Variants in CCAR2 observed in about 807,000 individuals in gnomAD.
CCAR2 encodes the protein cell cycle and apoptosis regulator protein 2.
CCAR2 carries 21 observed loss-of-function variants against 108.1 expected under a neutral mutation model. The observed-to-expected ratio is 0.19, with a 90% CI of 0.14 to 0.28. The LOEUF (loss-of-function observed/expected upper bound fraction) is 0.28, where lower values mean the gene tolerates loss of function less well. CCAR2 is among the 10% of genes least tolerant of loss of function. The probability of loss-of-function intolerance (pLI) is 1.00; values close to 1 mark genes in which losing one functional copy is unlikely to be tolerated. For missense variants in CCAR2, 1,126 were observed against 1,177.0 expected, an observed-to-expected ratio of 0.96 and a Z score of 0.63; for synonymous variants, 577 against 472.8, an observed-to-expected ratio of 1.22 and a Z score of -2.86.
At chr8:22,613,442 C>G (rs370420945) in intron 8 of CCAR2, among the ~76,000 whole-genome samples, 24 of 149,032 alleles carry the variant, frequency 1.6e-4, no homozygotes, top group African/African-American at 5.9e-4. Flanking sequence ...CATTTGCACT[C>G]TATCCTAAAT....
At chr8:22,618,186 G>T (rs1172465910) in intron 16 of CCAR2, 163 bp from the exon 17 acceptor site, 1 of 879,742 alleles carries the variant, frequency 1.1e-6, no homozygotes, top group East Asian at 2.4e-5. Flanking sequence ...GAACTCCTGG[G>T]TTCAAGTGAT....
intron 1 of CCAR2, chr8:22,605,243 G>C (rs985247351): frequency 1.8e-5 from 3 of 167,796 alleles, no homozygotes; most frequent in Admixed American, 6.3e-5. Context: ...GGCCCACACA[G>C]TCTCCTCGCC....
rs201323163 is a variant in CCAR2, at chr8:22,616,062, C to T, written c.1659C>T (p.Gly553=). The T allele has an allele frequency of 1.9e-6, 3 of 1,613,992 alleles. No homozygotes were observed. The highest frequency in any genetic ancestry group is 2.5e-6 in the Non-Finnish European group (3 of 1,180,018). The change falls in exon 14 of 21, where the codon GGC becomes GGT. Residue 553 remains glycine, a synonymous_variant. Transcript: ENST00000308511. ...TGGAGATGCTCCAGAGGGATTTTGG[C>T]TATAGAGTTTATAAGATGCTACTGA... ...LFLEMLQRDF[G]YRVYKMLLSL... is the part of the protein sequence containing the mutation.
Position 22,619,297 on chromosome 8 carries a change from A to G in CCAR2, c.2669A>G (p.Gln890Arg). 1 of 1,564,532 alleles carries G rather than the reference A, an allele frequency of 6.4e-7. No homozygotes were observed. Among genetic ancestry groups the G allele is most frequent in the Non-Finnish European group, 8.7e-7 (1 of 1,155,234 alleles). The change falls in exon 20 of 21, where the codon CAG becomes CGG. Residue 890 changes from glutamine to arginine, a missense_variant. Coordinates refer to ENST00000308511, the MANE Select transcript of CCAR2 (RefSeq NM_001393997.1). ...RQKSQLQRLLQELRRRLTPLQ... is the reference protein window; with the variant it reads ...RQKSQLQRLLRELRRRLTPLQ... ...AAGAGCCAGCTCCAGCGGCTGCTGCAGGAGCTCCGCAGGCGTCTGACCCCC... is the reference window on the plus strand; with the variant it reads ...AAGAGCCAGCTCCAGCGGCTGCTGCGGGAGCTCCGCAGGCGTCTGACCCCC...
chr8:22,616,426 G>A, intron 14 of CCAR2, 178 bp downstream of exon 14: 1 of 629,506 alleles, frequency 1.6e-6, no homozygotes, highest in Non-Finnish European at 2.8e-6. Flanking sequence ...GTGGCGCAGA[G>A]TGCAGGGAGC....
rs779937732 is a variant in CCAR2, at chr8:22,614,325, A to G, written c.927+11A>G. On this transcript the variant is annotated intron_variant, in intron 9 of 20. Transcript: ENST00000308511. ...GCTTATAGTTCGAAGGTAAGCTGAC[A>G]GGCGTCTCTCACTTATCTGATTTCT... The G allele has an allele frequency of 1.9e-6, 3 of 1,614,038 alleles. No homozygotes were observed. Among genetic ancestry groups the G allele is most frequent in the Admixed American group, 1.7e-5 (1 of 60,030 alleles).
Position 22,619,199 on chromosome 8 carries a change from G to A in CCAR2, c.2571G>A (p.Leu857=), listed in dbSNP as rs776885313. The change falls in exon 20 of 21, where the codon CTG becomes CTA. Residue 857 remains leucine, a synonymous_variant. Coordinates refer to ENST00000308511, the MANE Select transcript of CCAR2 (RefSeq NM_001393997.1). ...FSATEVTNKT[L]AAEMQELRVR... is the part of the protein sequence containing the mutation. ...CCACTGAAGTAACCAATAAGACGCT[G>A]GCGGCAGAGATGCAGGAGCTGCGAG... is the stretch of plus-strand genomic sequence containing the variant. 1.3e-6 allele frequency: 2 copies of A among 1,590,446 alleles called. No homozygotes were observed. The highest frequency in any genetic ancestry group is 8.6e-7 in the Non-Finnish European group (1 of 1,168,520).
intron 7 of CCAR2, among the ~76,000 whole-genome samples, chr8:22,609,052 CTTTTTTTTT>C (rs71546822): frequency 2.3e-5 from 3 of 133,154 alleles, no homozygotes; most frequent in Non-Finnish European, 4.7e-5. Context: ...CTTTTTTTTT[CTTTTTTTTT>C]TTTTTTTGAG....
chr8:22,604,898 C>A, intron 1 of CCAR2, 56 bp downstream of exon 1: 1 of 419,626 alleles, frequency 2.4e-6, no homozygotes, highest in South Asian at 1.7e-5. Context: ...CGCCCCTCCG[C>A]TGGCCGAGGG....
intron 6 of CCAR2, 110 bp from the exon 7 acceptor site, chr8:22,607,859 C>G (rs1036263935): frequency 2.3e-5 from 18 of 796,816 alleles, no homozygotes; most frequent in Non-Finnish European, 3.3e-5. Flanking sequence ...CTCCTGACCT[C>G]AAGTGATCCA....
rs189485092 is a variant in CCAR2 at position 22,615,264 on chromosome 8, C to T, written c.1206-161C>T. ...CGGCCTCCCCACTGACTGATCATTTCTTGAGGACTTGGTCTGTAGCTTTCC... is the reference window on the plus strand; with the variant it reads ...CGGCCTCCCCACTGACTGATCATTTTTTGAGGACTTGGTCTGTAGCTTTCC... On this transcript the variant is annotated intron_variant, in intron 11 of 20. Transcript: ENST00000308511. 7 of 982,550 alleles carry T rather than the reference C, an allele frequency of 7.1e-6. No individual in the cohort carries two copies. The East Asian group carries it at 7.3e-5, about 10-fold the overall frequency. The allele number at this position is 982,550 out of a possible 1,614,324, so 60.9% of individuals were successfully genotyped here.
Position 22,617,062 on chromosome 8 carries a change from A to C in CCAR2, c.1846-358A>C, listed in dbSNP as rs1330000835. Among the ~76,000 whole-genome samples, 2 of 151,156 alleles carry C rather than the reference A, an allele frequency of 1.3e-5. 1 individual carries two copies. The stretch of plus-strand genomic sequence containing the variant: ...CCATGCCCAGCTAATTTTTGTAGAG[A>C]TGGGGTTTCACCATGTTGGCCTGGC... On this transcript the variant is annotated intron_variant, in intron 14 of 20. Transcript: ENST00000308511.
intron 8 of CCAR2, 48 bp from the exon 9 acceptor site, chr8:22,614,044 A>G (rs202069177): frequency 1.1e-5 from 17 of 1,521,090 alleles, no homozygotes; most frequent in Non-Finnish European, 1.4e-5. Context: ...TTCATTTCGA[A>G]TGTTTTAGTC....
chr8:22,610,622 G>C lies in CCAR2; in HGVS notation c.585-2395G>C, dbSNP rs1043894199. Among the ~76,000 whole-genome samples, 5 of 152,216 alleles carry C rather than the reference G, an allele frequency of 3.3e-5. No individual in the cohort carries two copies. In the South Asian group the frequency reaches 8.3e-4, roughly 25 times the overall value. On this transcript the variant is annotated intron_variant, in intron 7 of 20. Coordinates refer to ENST00000308511, the MANE Select transcript of CCAR2 (RefSeq NM_001393997.1). ...ACATGGGCTACTGACATCCCATCGG[G>C]GCTAGAGAAGAAGGCCACTTTTGGA...
Position 22,619,205 on chromosome 8 carries a change from A to C in CCAR2, c.2577A>C (p.Ala859=). 6.3e-7 allele frequency: 1 copy of C among 1,587,596 alleles called. No homozygotes were observed. The highest frequency in any genetic ancestry group is 1.3e-5 in the African/African-American group (1 of 74,790). The part of the protein sequence containing the change: ...ATEVTNKTLA[A]EMQELRVRLA... ...AAGTAACCAATAAGACGCTGGCGGC[A>C]GAGATGCAGGAGCTGCGAGTCCGGC... Residue 859 remains alanine (A), a synonymous_variant, in exon 20 of 21, where the codon GCA becomes GCC. Transcript: ENST00000308511.
downstream of CCAR2, chr8:22,620,723 T>C (rs1353924094): frequency 6.6e-6 from 1 of 152,256 alleles, no homozygotes; most frequent in African/African-American, 2.4e-5. Flanking sequence ...GACGTTTCAT[T>C]GAAAATTTTA....
Position 22,606,107 on chromosome 8 carries a change from G to C in CCAR2, c.81G>C (p.Leu27=). 1 of 1,614,044 alleles carries C rather than the reference G, an allele frequency of 6.2e-7. No homozygotes were observed. Among genetic ancestry groups the C allele is most frequent in the Non-Finnish European group, 8.5e-7 (1 of 1,179,940 alleles). ...TAGGCACAGCTTCAACATCTCTTCT[G>C]GGCCCTCCTCCTGGTTTGCTCACTC... ...NFSGTASTSL[L]GPPPGLLTPP... The change falls in exon 3 of 21, where the codon CTG becomes CTC. Residue 27 remains leucine, a synonymous_variant. Coordinates refer to ENST00000308511, the MANE Select transcript of CCAR2 (RefSeq NM_001393997.1).
intron 11 of CCAR2, 189 bp downstream of exon 11, chr8:22,615,190 G>C: frequency 1.1e-6 from 1 of 900,402 alleles, no homozygotes; most frequent in Non-Finnish European, 1.6e-6. Flanking sequence ...GGCTGCACTT[G>C]AGACTCCCTG....
At chr8:22,620,568 CAGA>C (rs1801748581), downstream of CCAR2, 1 of 152,266 alleles carries the variant, frequency 6.6e-6, no homozygotes, top group Non-Finnish European at 1.5e-5. Flanking sequence ...CAGTTCGCTC[CAGA>C]AGGTGGGCCA....
Sources: allele counts gnomAD v4.1 joint callset (sites outside exome capture counted in the v4.1 genomes callset), GRCh38; gene constraint gnomAD v4.1.1; transcripts MANE v1.5; gene names NCBI Gene and HGNC (gene_info 2026-07-23, HGNC 2026-07-21).